Variants in HNRNPH1 observed in about 807,000 individuals in gnomAD.
HNRNPH1 encodes the protein heterogeneous nuclear ribonucleoprotein H.
A neutral mutation model predicts 58.6 loss-of-function variants in HNRNPH1; 4 were observed. The observed-to-expected ratio is 0.07, with a 90% CI of 0.03 to 0.16. The LOEUF (loss-of-function observed/expected upper bound fraction) is 0.16, where lower values mean the gene tolerates loss of function less well. HNRNPH1 is among the 10% of genes least tolerant of loss of function. The pLI is 1.00. For missense variants in HNRNPH1, 271 were observed against 564.2 expected, an observed-to-expected ratio of 0.48 and a Z score of 5.26; for synonymous variants, 192 against 189.2, an observed-to-expected ratio of 1.01 and a Z score of -0.12.
In HNRNPH1 at chr5:179,617,236, ACTTCT is replaced by A. The variant is rs1770220282; in HGVS notation, c.1058-131_1058-127del. 7 of 945,636 alleles carry A rather than the reference ACTTCT, an allele frequency of 7.4e-6. No individual in the cohort carries two copies. In the South Asian group the frequency reaches 1.1e-4, roughly 15 times the overall value. 58.6% of individuals were successfully genotyped at this position (945,636 alleles called of 1,614,324 possible). A position where few individuals can be genotyped will look rare whatever the true frequency, so the allele number is the denominator to read the frequency against. The stretch of plus-strand genomic sequence containing the variant: ...ATACTTTGGCAAAGAAATTCTAGCT[ACTTCT>A]CTTAGGTGATCTACTTTAACTCCAA... On this transcript the variant is annotated intron_variant, in intron 8 of 12. Coordinates refer to ENST00000356731, the Ensembl canonical transcript of HNRNPH1.
intron 2 of HNRNPH1, among the ~76,000 whole-genome samples, chr5:179,630,609 C>T (rs1174222811): frequency 2.0e-5 from 3 of 152,098 alleles, no homozygotes; most frequent in African/African-American, 7.2e-5. Context: ...GGGCTATTTG[C>T]AGTATAAATG....
chr5:179,615,559 G>A, exon 12 of HNRNPH1: 1 of 1,551,874 alleles, frequency 6.4e-7, no homozygotes, highest in Non-Finnish European at 8.9e-7. Context: ...TGCAATGTTT[G>A]ATTGAAAATC....
intron 3 of HNRNPH1, chr5:179,619,772 C>T (rs2127655349): frequency 6.4e-6 from 1 of 156,540 alleles, no homozygotes; most frequent in Middle Eastern, 3.2e-3. Flanking sequence ...CCTTTTACCT[C>T]ATTTTATATT....
At chr5:179,618,361 G>C (rs1474769069) in intron 4 of HNRNPH1, 38 bp from the exon 6 acceptor site, 1 of 1,433,336 alleles carries the variant, frequency 7.0e-7, no homozygotes, top group Non-Finnish European at 9.6e-7. Flanking sequence ...AGGGAGGGGA[G>C]AGAAAACATT....
chr5:179,618,301 T>C lies in HNRNPH1; in HGVS notation c.559A>G (p.Ser187Gly), dbSNP rs151148785. The C allele has an allele frequency of 2.5e-6, 4 of 1,611,980 alleles. No homozygotes were observed. Among genetic ancestry groups the C allele is most frequent in the Non-Finnish European group, 2.5e-6 (3 of 1,179,314 alleles). Reference sequence around the variant, plus strand: ...TAATGAGTTCTAACTTCAGCTCTACTGCTCTTAAAGATTTCAATATACCTA... The same window carrying C: ...TAATGAGTTCTAACTTCAGCTCTACCGCTCTTAAAGATTTCAATATACCTA... The change falls in exon 5 of 13, where the codon AGT becomes GGT. Residue 187 changes from serine to glycine, a missense_variant. By Grantham distance (56) the Ser-to-Gly change is moderately conservative (BLOSUM62 0). Around this residue, in one of 6 missense-constraint regions of HNRNPH1, gnomAD observed 55 missense variants for 201.9 expected, o/e 0.27. Transcript: ENST00000356731.
intron 4 of HNRNPH1, chr5:179,619,004 T>C (rs1771074111): frequency 4.0e-6 from 1 of 250,996 alleles, no homozygotes. Context: ...TGCATTAATT[T>C]TTTAAAGCCA....
chr5:179,616,813 A>T, intron 10 of HNRNPH1, 56 bp downstream of exon 11: 1 of 1,359,342 alleles, frequency 7.4e-7, no homozygotes, highest in Non-Finnish European at 1.0e-6. Context: ...CTTAACTTAT[A>T]ATTGACTTAT....
exon 13 of HNRNPH1, chr5:179,614,769 T>C: frequency 2.6e-6 from 2 of 756,734 alleles, no homozygotes; most frequent in Non-Finnish European, 4.2e-6. Context: ...ACTGTTAAAC[T>C]GAAGTTTTCT....
chr5:179,625,659 CAAA>C (rs372265224), upstream of HNRNPH1, among the ~76,000 whole-genome samples: 53 of 105,902 alleles, frequency 5.0e-4, no homozygotes, highest in Non-Finnish European at 5.2e-4. Context: ...AACTCCGTCT[CAAA>C]AAAAAAAAAA....
At chr5:179,630,272 GT>G (rs1774721117) in intron 2 of HNRNPH1, among the ~76,000 whole-genome samples, 1 of 151,954 alleles carries the variant, frequency 6.6e-6, no homozygotes, top group East Asian at 1.9e-4. Flanking sequence ...TCGCTTGAAT[GT>G]GGGAGGCGGC....
exon 1 of HNRNPH1, chr5:179,624,557 G>C (rs1774166871): frequency 7.5e-6 from 3 of 398,738 alleles, no homozygotes; most frequent in Admixed American, 8.8e-5. Flanking sequence ...GAGCAGAATT[G>C]GTAAGAGTGC....
intron 2 of HNRNPH1, among the ~76,000 whole-genome samples, chr5:179,630,209 C>T (rs1277829707): frequency 6.6e-6 from 1 of 151,820 alleles, no homozygotes; most frequent in Admixed American, 6.6e-5. Context: ...ATTAGTCAGG[C>T]GTGCTGGCAG....
chr5:179,615,348 G>A (rs1222756931), intron 12 of HNRNPH1, 198 bp downstream of exon 13: 2 of 494,808 alleles, frequency 4.0e-6, no homozygotes, highest in African/African-American at 2.0e-5. Context: ...AGAAAAGGGA[G>A]CACAGGGGAA....
Position 179,617,445 on chromosome 5 carries a change from ATT to A in HNRNPH1, c.1057+67_1057+68del, listed in dbSNP as rs1270215454. ...ACTTCTCATATATCCTTATTTTTCC[ATT>A]TCTCTATTGTAAATGTTAGTCACAC... On this transcript the variant is annotated intron_variant, in intron 8 of 12. Coordinates refer to ENST00000356731, the Ensembl canonical transcript of HNRNPH1. The A allele has an allele frequency of 1.6e-5, 24 of 1,516,898 alleles. No individual in the cohort carries two copies. The East Asian group carries it at 5.4e-4, about 34-fold the overall frequency. The allele number at this position is 1,516,898 out of a possible 1,614,324, so 94.0% of individuals were successfully genotyped here. A position where few individuals can be genotyped will look rare whatever the true frequency, so the allele number is the denominator to read the frequency against.
intron 2 of HNRNPH1, among the ~76,000 whole-genome samples, chr5:179,633,652 T>G (rs1162652105): frequency 6.6e-6 from 1 of 152,000 alleles, no homozygotes; most frequent in African/African-American, 2.4e-5. Flanking sequence ...CAGTGGCTCA[T>G]GCCTGCAATA....
chr5:179,617,282 T>C lies in HNRNPH1; in HGVS notation c.1058-172A>G, dbSNP rs1345804262. 3 of 729,396 alleles carry C rather than the reference T, an allele frequency of 4.1e-6. No individual in the cohort carries two copies. The East Asian group carries it at 8.0e-5, about 20-fold the overall frequency. The allele number at this position is 729,396 out of a possible 1,614,324, so 45.2% of individuals were successfully genotyped here. A position where few individuals can be genotyped will look rare whatever the true frequency, so the allele number is the denominator to read the frequency against. On this transcript the variant is annotated intron_variant, in intron 8 of 12. Transcript: ENST00000356731. ...TTAACTCCAAAATCTAGCCTTTACA[T>C]ATTCATCTGTATTGTCAATTAAGGA...
chr5:179,631,918 AAAAC>A (rs201902039), intron 2 of HNRNPH1, among the ~76,000 whole-genome samples: 2,091 of 152,162 alleles, frequency 0.014, 47 homozygotes, highest in African/African-American at 0.045. Context: ...ACCCTCTCTC[AAAAC>A]AAACAAACTT....
intron 4 of HNRNPH1, chr5:179,618,533 A>G: frequency 7.0e-6 from 3 of 430,140 alleles, no homozygotes; most frequent in Non-Finnish European, 8.2e-6. Context: ...AAAAAAAAAA[A>G]AAACTCACTC....
At chr5:179,614,894 C>T (rs1768754449) in exon 13 of HNRNPH1, 22 of 1,549,772 alleles carry the variant, frequency 1.4e-5, no homozygotes, top group Non-Finnish European at 1.9e-5. Flanking sequence ...CCTCCCATTC[C>T]GTTCACGCCC....
Sources: gnomAD v4.1 joint callset for allele counts (sites outside exome capture counted in the v4.1 genomes callset) on GRCh38, gnomAD v4.1.1 for gene constraint, gnomAD v4.1.1 regional missense constraint, MANE v1.5 for transcripts, NCBI Gene and HGNC (gene_info 2026-07-23, HGNC 2026-07-21) for gene names.